WDR41: variants seen among roughly 807,000 people sequenced by gnomAD.
The protein encoded by WDR41 is WD repeat-containing protein 41.
Under a neutral mutation model 69.3 loss-of-function variants are expected in WDR41, and 63 were observed. The observed-to-expected ratio is 0.91, with a 90% confidence interval of 0.74 to 1.12. The LOEUF (loss-of-function observed/expected upper bound fraction) is 1.12. Among genes scored for constraint, WDR41 ranks in the 50% most tolerant of loss-of-function variants. The pLI is 0.00. For synonymous variants in WDR41, 185 were observed against 192.1 expected (o/e 0.96, Z 0.31); for missense variants, 543 against 534.5 (o/e 1.02, Z -0.16).
chr5:77,480,774 T>C (rs1053080260), intron 2 of WDR41, among the ~76,000 whole-genome samples: 1 of 151,158 alleles, frequency 6.6e-6, no homozygotes, highest in Non-Finnish European at 1.5e-5. Context: ...TGTATACATA[T>C]GTAACTAACC....
chr5:77,592,506 T>A (rs1580036031), intron 1 of WDR41, among the ~76,000 whole-genome samples: 1 of 152,168 alleles, frequency 6.6e-6, no homozygotes, highest in Admixed American at 6.6e-5. Flanking sequence ...CACCCTCAGG[T>A]TTGATGATTC....
intron 2 of WDR41, among the ~76,000 whole-genome samples, chr5:77,472,717 T>C (rs1274264498): frequency 2.6e-5 from 4 of 151,940 alleles, no homozygotes; most frequent in African/African-American, 4.8e-5. Context: ...TTACAAGGGA[T>C]GGGAAGGACC....
At chr5:77,545,948 C>A in intron 1 of WDR41, 2 of 492,742 alleles carry the variant, frequency 4.1e-6, no homozygotes, top group Non-Finnish European at 7.1e-6. Context: ...TGACAGGCCG[C>A]TGTGGCTCCG....
chr5:77,502,608 G>A (rs144787326), intron 1 of WDR41, among the ~76,000 whole-genome samples: 2,848 of 152,158 alleles, frequency 0.019, 43 homozygotes, highest in Non-Finnish European at 0.029. Context: ...AAATGTTAAG[G>A]GCAGCCAGAG....
chr5:77,537,077 T>G (rs1743001668), intron 1 of WDR41, among the ~76,000 whole-genome samples: 1 of 152,216 alleles, frequency 6.6e-6, no homozygotes, highest in African/African-American at 2.4e-5. Context: ...CACTGACCAA[T>G]CAAAACAAAT....
At chr5:77,604,559 T>A (rs1744379388) in intron 1 of WDR41, among the ~76,000 whole-genome samples, 1 of 152,234 alleles carries the variant, frequency 6.6e-6, no homozygotes, top group Non-Finnish European at 1.5e-5. Context: ...TGTCCTTAAG[T>A]TGTTAAGCCC....
At chr5:77,534,518 C>G (rs1312979061) in intron 1 of WDR41, among the ~76,000 whole-genome samples, 1 of 151,824 alleles carries the variant, frequency 6.6e-6, no homozygotes, top group East Asian at 1.9e-4. Flanking sequence ...ACTGCAACCT[C>G]CAACTCCCGG....
chr5:77,506,095 C>T (rs1022090304), intron 1 of WDR41, among the ~76,000 whole-genome samples: 1 of 152,170 alleles, frequency 6.6e-6, no homozygotes, highest in Non-Finnish European at 1.5e-5. Context: ...TCAGAGTGAA[C>T]AGGCAACCTA....
At chr5:77,538,252 C>T (rs1187313225) in intron 1 of WDR41, among the ~76,000 whole-genome samples, 4 of 152,100 alleles carry the variant, frequency 2.6e-5, no homozygotes, top group South Asian at 4.1e-4. Context: ...CCAATTCTAC[C>T]CATGTCGCTG....
intron 2 of WDR41, among the ~76,000 whole-genome samples, chr5:77,474,801 T>C (rs1344647971): frequency 6.6e-6 from 1 of 151,932 alleles, no homozygotes; most frequent in Non-Finnish European, 1.5e-5. Context: ...AAGATTACAG[T>C]AGGAGGAGGA....
At chr5:77,435,142 T>C (rs572695652) in intron 12 of WDR41, among the ~76,000 whole-genome samples, 2 of 152,176 alleles carry the variant, frequency 1.3e-5, no homozygotes, top group African/African-American at 4.8e-5. Flanking sequence ...CTCCCAACCA[T>C]AAACACAAAG....
At chr5:77,608,856 C>T (rs923224755) in intron 1 of WDR41, among the ~76,000 whole-genome samples, 1 of 152,202 alleles carries the variant, frequency 6.6e-6, no homozygotes, top group Non-Finnish European at 1.5e-5. Context: ...CGAGGCATTG[C>T]CTCACTCGGG....
chr5:77,527,644 C>T (rs1802468436), intron 1 of WDR41, among the ~76,000 whole-genome samples: 1 of 151,816 alleles, frequency 6.6e-6, no homozygotes, highest in African/African-American at 2.4e-5. Context: ...AACTAAAATG[C>T]ATATTGAGTT....
chr5:77,536,089 C>CTG (rs1173332648), intron 1 of WDR41, among the ~76,000 whole-genome samples: 3 of 152,132 alleles, frequency 2.0e-5, no homozygotes, highest in African/African-American at 7.2e-5. Context: ...GAATGCTACC[C>CTG]TGTTTTCTTG....
At position 77,464,734 on chromosome 5, in the gene WDR41, C is replaced by T. The variant is rs775552696; in HGVS notation, c.216+27G>A. 7.5e-6 allele frequency: 12 copies of T among 1,609,770 alleles called. No individual in the cohort carries two copies. The South Asian group carries it at 1.3e-4, about 18-fold the overall frequency. On this transcript the variant is annotated intron_variant, in intron 3 of 12. Coordinates refer to ENST00000296679, the MANE Select transcript of WDR41 (RefSeq NM_018268.4). ...CAACTACATCATCATATCTTTATCA[C>T]ACAATCCACACATAATCAATACACA...
intron 1 of WDR41, among the ~76,000 whole-genome samples, chr5:77,588,751 C>G (rs541064771): frequency 4.0e-4 from 61 of 152,264 alleles, no homozygotes; most frequent in South Asian, 3.1e-3. Context: ...ATATTTGTGT[C>G]AACTGATCAA....
intron 2 of WDR41, among the ~76,000 whole-genome samples, chr5:77,468,776 G>A (rs943112823): frequency 9.2e-5 from 14 of 152,250 alleles, no homozygotes; most frequent in Admixed American, 7.2e-4. Context: ...CACCTAACCT[G>A]CAAGTACTTT....
Position 77,440,901 on chromosome 5 carries a change from G to T in WDR41, c.794C>A (p.Pro265Gln). Residue 265 changes from proline (P) to glutamine (Q), a missense_variant, in exon 9 of 13, where the codon CCA becomes CAA. Coordinates refer to ENST00000296679, the MANE Select transcript of WDR41 (RefSeq NM_018268.4). The stretch of plus-strand genomic sequence containing the variant: ...TTGTTGGGTGTCCAGTTGTGGAGAT[G>T]GGTCCCAGAAGTTGCGTTCATAGGC... ...MQAYERNFWD[P>Q]SPQLDTQQEI... is the part of the protein sequence containing the mutation. 1 of 1,614,134 alleles carries T rather than the reference G, an allele frequency of 6.2e-7. No individual in the cohort carries two copies. Among genetic ancestry groups the T allele is most frequent in the Non-Finnish European group, 8.5e-7 (1 of 1,180,036 alleles).
intron 12 of WDR41, among the ~76,000 whole-genome samples, chr5:77,434,367 G>A (rs1376690486): frequency 6.6e-6 from 1 of 152,014 alleles, no homozygotes; most frequent in Non-Finnish European, 1.5e-5. Context: ...GAAGACCACA[G>A]GATAAGACTC....
Sources: gnomAD v4.1 joint callset for allele counts (sites outside exome capture counted in the v4.1 genomes callset) on GRCh38, gnomAD v4.1.1 for gene constraint, MANE v1.5 for transcripts, NCBI Gene and HGNC (gene_info 2026-07-23, HGNC 2026-07-21) for gene names.